The following MGAT5 variants were observed in gnomAD, a reference collection of about 807,000 sequenced individuals.
MGAT5 encodes the protein alpha-1,6-mannosylglycoprotein 6-beta-N-acetylglucosaminyltransferase A.
Under a neutral mutation model 94.3 loss-of-function variants are expected in MGAT5, and 30 were observed. That is an observed-to-expected ratio of 0.32 (90% CI 0.24 to 0.43). The LOEUF (loss-of-function observed/expected upper bound fraction) is 0.43, where lower values mean the gene tolerates loss of function less well. Ranked by LOEUF, MGAT5 falls within the 20% of genes least tolerant of loss-of-function variation. The pLI, the probability that MGAT5 is intolerant of heterozygous loss-of-function variation, is 1.00. For missense variants in MGAT5, 691 were observed against 905.5 expected (o/e 0.76, Z 3.04); for synonymous variants, 310 against 322.9 (o/e 0.96, Z 0.43).
chr2:134,318,443 G>A (rs757272700), intron 3 of MGAT5, among the ~76,000 whole-genome samples: 18 of 152,112 alleles, frequency 1.2e-4, no homozygotes, highest in Non-Finnish European at 2.4e-4. Context: ...GAGGCCTAAC[G>A]TAAGCCAGTG....
At chr2:134,123,937 A>G (rs959858591) in intron 1 of MGAT5, among the ~76,000 whole-genome samples, 1 of 152,212 alleles carries the variant, frequency 6.6e-6, no homozygotes, top group African/African-American at 2.4e-5. Flanking sequence ...GAAGATGGCT[A>G]CACTTTCAAA....
chr2:134,170,430 G>A (rs954385728), intron 1 of MGAT5, among the ~76,000 whole-genome samples: 1 of 152,238 alleles, frequency 6.6e-6, no homozygotes, highest in Admixed American at 6.5e-5. Context: ...TGTAATGACT[G>A]TGGGTTGAGC....
chr2:134,402,868 A>G (rs1683131970), intron 10 of MGAT5, 120 bp from the exon 11 acceptor site: 5 of 984,962 alleles, frequency 5.1e-6, no homozygotes, highest in Non-Finnish European at 7.1e-6. Flanking sequence ...AATTCCTGTG[A>G]TCTCCATATT....
At chr2:134,384,492 C>T (rs1487361742) in intron 10 of MGAT5, among the ~76,000 whole-genome samples, 4 of 152,180 alleles carry the variant, frequency 2.6e-5, no homozygotes, top group Non-Finnish European at 5.9e-5. Flanking sequence ...CTTACTAGAA[C>T]TGTGAACCAC....
At chr2:134,319,819 AT>A (rs1687212154) in intron 4 of MGAT5, 2 of 372,466 alleles carry the variant, frequency 5.4e-6, no homozygotes, top group African/African-American at 4.3e-5. Context: ...GTACATATGC[AT>A]GTCTATAGCA....
intron 2 of MGAT5, among the ~76,000 whole-genome samples, chr2:134,295,527 A>G (rs1202188658): frequency 6.6e-6 from 1 of 152,118 alleles, no homozygotes; most frequent in Non-Finnish European, 1.5e-5. Flanking sequence ...TCTCAGTCAT[A>G]ATTTTAGTAG....
rs912983981 is a variant in MGAT5, at chr2:134,189,602, G to GTTTTTTTTTTTTTTTTTTTTTT, written c.-142-64642_-142-64641insTTTTTTTTTTTTTTTTTTTTTT. ...AACCTCATGGCTCTAGTTTTTTTTT[G>GTTTTTTTTTTTTTTTTTTTTTT]TTTTTTTTTTTTTTTTTTAAGACAG... On this transcript the variant is annotated intron_variant, in intron 1 of 16. Transcript: ENST00000409645. 1.8e-3 allele frequency among the ~76,000 whole-genome samples: 151 copies of GTTTTTTTTTTTTTTTTTTTTTT among 84,626 alleles called. 15 individuals are homozygous for GTTTTTTTTTTTTTTTTTTTTTT. The highest frequency in any genetic ancestry group is 2.6e-3 in the Non-Finnish European group (115 of 43,574). The allele number at this position is 84,626 out of a possible 152,430, so 55.5% of individuals were successfully genotyped here. A position where few individuals can be genotyped will look rare whatever the true frequency, so the allele number is the denominator to read the frequency against.
chr2:134,204,169 T>C (rs914397180), intron 1 of MGAT5, among the ~76,000 whole-genome samples: 1 of 152,248 alleles, frequency 6.6e-6, no homozygotes, highest in Non-Finnish European at 1.5e-5. Flanking sequence ...GCTCATTTCA[T>C]GCATCCTGGT....
intron 11 of MGAT5, among the ~76,000 whole-genome samples, chr2:134,407,552 C>G (rs1443880792): frequency 6.6e-6 from 1 of 152,128 alleles, no homozygotes; most frequent in African/African-American, 2.4e-5. Flanking sequence ...CTGGAAAGAT[C>G]CAGTCTCATA....
rs941238716 is a variant in MGAT5, at chr2:134,254,110, C to G, written c.-294C>G. 3.6e-6 allele frequency: 2 copies of G among 553,268 alleles called. No individual in the cohort carries two copies. Among genetic ancestry groups the G allele is most frequent in the African/African-American group, 3.8e-5 (2 of 53,136 alleles). The allele number at this position is 553,268 out of a possible 1,614,324, so 34.3% of individuals were successfully genotyped here. A position where few individuals can be genotyped will look rare whatever the true frequency, so the allele number is the denominator to read the frequency against. On this transcript the variant is annotated 5_prime_UTR_variant, in exon 1 of 16. Coordinates refer to ENST00000281923, the MANE Select transcript of MGAT5 (RefSeq NM_002410.5). ...TTCTTGTTGCCTAGCCAGATTTCCC[C>G]TCAGCTTACAGTTCCTGAATCATAA...
intron 9 of MGAT5, 79 bp downstream of exon 9, chr2:134,350,017 G>T (rs1679270334): frequency 4.6e-6 from 7 of 1,533,962 alleles, no homozygotes; most frequent in South Asian, 1.2e-5. Flanking sequence ...TCTATTTTGG[G>T]TTATGATTCT....
intron 2 of MGAT5, among the ~76,000 whole-genome samples, chr2:134,274,352 G>A (rs566852468): frequency 3.3e-5 from 5 of 152,290 alleles, no homozygotes; most frequent in South Asian, 4.1e-4. Context: ...CCTAGAAGTC[G>A]GACTTGGTAT....
upstream of MGAT5, among the ~76,000 whole-genome samples, chr2:134,253,457 A>T (rs1025681882): frequency 1.1e-4 from 16 of 152,180 alleles, no homozygotes; most frequent in Non-Finnish European, 2.1e-4. Flanking sequence ...GGCATTAGAT[A>T]GGATCTGGCT....
At chr2:134,379,514 A>G (rs992532691) in intron 10 of MGAT5, among the ~76,000 whole-genome samples, 3 of 152,214 alleles carry the variant, frequency 2.0e-5, no homozygotes, top group African/African-American at 7.2e-5. Flanking sequence ...ATTAAGTTTT[A>G]GGCAGGCACA....
chr2:134,248,144 G>T (rs1340728264), intron 1 of MGAT5, among the ~76,000 whole-genome samples: 1 of 152,200 alleles, frequency 6.6e-6, no homozygotes, highest in Admixed American at 6.5e-5. Flanking sequence ...AAAAGGTAAG[G>T]TGCAAATGTA....
chr2:134,396,286 A>G (rs1354622376), intron 10 of MGAT5, among the ~76,000 whole-genome samples: 1 of 152,186 alleles, frequency 6.6e-6, no homozygotes, highest in Non-Finnish European at 1.5e-5. Flanking sequence ...TTGTTCTGAA[A>G]TGTAAATTTT....
chr2:134,334,401 A>C (rs527739552), intron 4 of MGAT5, among the ~76,000 whole-genome samples: 19 of 146,784 alleles, frequency 1.3e-4, no homozygotes, highest in Admixed American at 6.9e-5. Flanking sequence ...CCATCATGCT[A>C]TTCCTGGGAA....
At position 134,150,464 on chromosome 2, in the gene MGAT5, G is replaced by A. The variant is rs562626722; in HGVS notation, c.-143+30173G>A. On this transcript the variant is annotated intron_variant, in intron 1 of 16. Transcript: ENST00000409645. Reference sequence around the variant, plus strand: ...GCAAGACAGCCATGACACCAAGCAAGGAGATATTATTAATAATTGGGAGGC... The same window carrying A: ...GCAAGACAGCCATGACACCAAGCAAAGAGATATTATTAATAATTGGGAGGC... Among the ~76,000 whole-genome samples, 12 of 152,292 alleles carry A rather than the reference G, an allele frequency of 7.9e-5. No individual in the cohort carries two copies. In the South Asian group the frequency reaches 2.3e-3, roughly 29 times the overall value.
intron 13 of MGAT5, among the ~76,000 whole-genome samples, chr2:134,423,398 A>T (rs1318240583): frequency 2.0e-5 from 3 of 152,196 alleles, no homozygotes; most frequent in African/African-American, 7.2e-5. Context: ...TTCAACAGAC[A>T]TTTGTGAGGT....
Sources: allele counts gnomAD v4.1 joint callset (sites outside exome capture counted in the v4.1 genomes callset), GRCh38; gene constraint gnomAD v4.1.1; transcripts MANE v1.5; gene names NCBI Gene and HGNC (gene_info 2026-07-23, HGNC 2026-07-21).